The following NBEA variants were observed in gnomAD, a reference collection of about 807,000 sequenced individuals.
NBEA encodes the protein lysosomal-trafficking regulator 2.
In NBEA, 44 loss-of-function variants were observed where a neutral mutation model predicts 343.4. The observed-to-expected ratio is 0.13, with a 90% confidence interval of 0.10 to 0.16. The LOEUF (loss-of-function observed/expected upper bound fraction) is 0.16. Ranked by LOEUF, NBEA falls within the 10% of genes least tolerant of loss-of-function variation. NBEA has a pLI of 1.00. For missense variants in NBEA, 2,555 were observed against 3,631.3 expected (o/e 0.70, Z 7.62); for synonymous variants, 1,175 against 1,238.7 (o/e 0.95, Z 1.08).
chr13:35,010,741 A>AAATATATATATAT (rs1555275017), intron 1 of NBEA, among the ~76,000 whole-genome samples: 2 of 31,956 alleles, frequency 6.3e-5, no homozygotes, highest in African/African-American at 2.0e-4. Context: ...AAAAAAAAAA[A>AAATATATATATAT]ATATATATAT....
chr13:35,445,799 T>TATATAC (rs2045989645), intron 39 of NBEA, among the ~76,000 whole-genome samples: 1 of 84,310 alleles, frequency 1.2e-5, no homozygotes, highest in Non-Finnish European at 2.4e-5. Context: ...TATATATATA[T>TATATAC]ATATATATAT....
intron 5 of NBEA, among the ~76,000 whole-genome samples, chr13:35,049,692 T>C (rs770021227): frequency 6.6e-5 from 10 of 151,806 alleles, no homozygotes; most frequent in Non-Finnish European, 1.5e-4. Flanking sequence ...TGATTAAACA[T>C]TTTTCTACAT....
chr13:35,302,923 G>A (rs1298561005), intron 35 of NBEA, among the ~76,000 whole-genome samples: 1 of 152,060 alleles, frequency 6.6e-6, no homozygotes, highest in Non-Finnish European at 1.5e-5. Flanking sequence ...AACTCATAGA[G>A]TCACATGAAG....
At chr13:35,397,783 A>G (rs1197609874) in intron 38 of NBEA, among the ~76,000 whole-genome samples, 1 of 152,192 alleles carries the variant, frequency 6.6e-6, no homozygotes, top group African/African-American at 2.4e-5. Flanking sequence ...TAATTTAAAA[A>G]TACTTTATTG....
chr13:35,146,257 T>C (rs1027254115), intron 18 of NBEA, among the ~76,000 whole-genome samples: 1 of 152,166 alleles, frequency 6.6e-6, no homozygotes, highest in Non-Finnish European at 1.5e-5. Context: ...TTTTGTAGCC[T>C]GCAGCTCAGG....
At chr13:35,164,282 C>G (rs2069817892) in intron 23 of NBEA, 74 bp from the exon 24 acceptor site, 9 of 1,311,452 alleles carry the variant, frequency 6.9e-6, no homozygotes, top group Non-Finnish European at 8.2e-6. Context: ...TAATTTTTCA[C>G]TTGTTATTCT....
rs145256589 is a variant in NBEA at position 35,557,030 on chromosome 13, AT to A, written c.6922+1936del. Among the ~76,000 whole-genome samples the A allele has an allele frequency of 7.2e-5, 11 of 151,850 alleles. No homozygotes were observed. The East Asian group carries it at 2.1e-3, about 29-fold the overall frequency. On this transcript the variant is annotated intron_variant, in intron 44 of 58. Coordinates refer to ENST00000379939, the MANE Select transcript of NBEA (RefSeq NM_001385012.1). ...CAGTATCATTAGACACCATTAGGTG[AT>A]TTTTTTTCCCTTGGCTGTGCTAGCT...
In NBEA at chr13:35,312,776, A is replaced by T. The variant is rs186773581; in HGVS notation, c.5903+3184A>T. 2.6e-3 allele frequency among the ~76,000 whole-genome samples: 397 copies of T among 152,308 alleles called. 4 individuals are homozygous for T. Among genetic ancestry groups the T allele is most frequent in the Non-Finnish European group, 1.5e-3 (102 of 68,026 alleles). ...GAAGAGGGGAAAGAAGGAATCAAGGATATTTTGATGTCAGCTTTAGTAACT... is the reference window on the plus strand; with the variant it reads ...GAAGAGGGGAAAGAAGGAATCAAGGTTATTTTGATGTCAGCTTTAGTAACT... On this transcript the variant is annotated intron_variant, in intron 36 of 58. Coordinates refer to ENST00000379939, the MANE Select transcript of NBEA (RefSeq NM_001385012.1).
intron 1 of NBEA, among the ~76,000 whole-genome samples, chr13:35,009,748 A>T (rs868639499): frequency 6.6e-6 from 1 of 152,202 alleles, no homozygotes. Flanking sequence ...GTGAGGGTGG[A>T]TGCAGAGACA....
intron 41 of NBEA, among the ~76,000 whole-genome samples, chr13:35,479,663 A>G (rs529105837): frequency 1.3e-5 from 2 of 152,338 alleles, no homozygotes; most frequent in East Asian, 3.9e-4. Flanking sequence ...ATGTCAAATG[A>G]TTATGTAGTA....
chr13:35,661,267 T>G (rs1049276482), intron 55 of NBEA, among the ~76,000 whole-genome samples: 8 of 152,194 alleles, frequency 5.3e-5, no homozygotes, highest in Admixed American at 2.6e-4. Flanking sequence ...ATGATACTAT[T>G]AGTTGTTTTT....
intron 34 of NBEA, among the ~76,000 whole-genome samples, chr13:35,283,749 G>C (rs762464685): frequency 6.6e-6 from 1 of 152,042 alleles, no homozygotes; most frequent in African/African-American, 2.4e-5. Context: ...ATTGTAAATA[G>C]CATCACATTA....
intron 41 of NBEA, among the ~76,000 whole-genome samples, chr13:35,496,854 T>C (rs2076700491): frequency 6.6e-6 from 1 of 151,938 alleles, no homozygotes; most frequent in Non-Finnish European, 1.5e-5. Flanking sequence ...GGACATCTCA[T>C]GTCTTTCTCA....
rs147254781 is a variant in NBEA, at chr13:35,617,403, C to T, written c.7450-10678C>T. Reference sequence around the variant, plus strand: ...AAATGGATCACGTGTAGGAGTGCCTCACTTGAAAAGTGCTTATTGTTTCTG... The same window carrying T: ...AAATGGATCACGTGTAGGAGTGCCTTACTTGAAAAGTGCTTATTGTTTCTG... On this transcript the variant is annotated intron_variant, in intron 48 of 58. Coordinates refer to ENST00000379939, the MANE Select transcript of NBEA (RefSeq NM_001385012.1). 3.0e-3 allele frequency among the ~76,000 whole-genome samples: 454 copies of T among 152,288 alleles called. 1 individual carries two copies. Among genetic ancestry groups the T allele is most frequent in the African/African-American group, 0.011 (437 of 41,560 alleles).
intron 6 of NBEA, 143 bp from the exon 7 acceptor site, chr13:35,055,867 G>A (rs2063237679): frequency 2.0e-6 from 1 of 508,616 alleles, no homozygotes; most frequent in African/African-American, 2.0e-5. Context: ...AGAAATGAGA[G>A]GGGGAACTTG....
chr13:35,513,837 T>A, intron 41 of NBEA, among the ~76,000 whole-genome samples: 1 of 152,182 alleles, frequency 6.6e-6, no homozygotes, highest in South Asian at 2.1e-4. Flanking sequence ...GCTACTTTTT[T>A]AAAAAAACCT....
intron 34 of NBEA, among the ~76,000 whole-genome samples, chr13:35,244,560 T>C (rs2030882047): frequency 6.6e-6 from 1 of 152,118 alleles, no homozygotes; most frequent in African/African-American, 2.4e-5. Flanking sequence ...TGTCTCCAGA[T>C]TGTTCCTTTT....
chr13:35,550,882 A>G (rs1289643259), intron 42 of NBEA, 48 bp from the exon 43 acceptor site: 4 of 1,192,062 alleles, frequency 3.4e-6, no homozygotes, highest in Non-Finnish European at 4.9e-6. Context: ...TTGATGGCTA[A>G]CTTATCCTGC....
At chr13:35,375,140 C>T (rs934150875) in intron 38 of NBEA, among the ~76,000 whole-genome samples, 2 of 152,106 alleles carry the variant, frequency 1.3e-5, no homozygotes, top group Admixed American at 1.3e-4. Flanking sequence ...TAGTCACTTT[C>T]GCACTGCTTT....
Sources: gnomAD v4.1 joint callset for allele counts (sites outside exome capture counted in the v4.1 genomes callset) on GRCh38, gnomAD v4.1.1 for gene constraint, MANE v1.5 for transcripts, NCBI Gene and HGNC (gene_info 2026-07-23, HGNC 2026-07-21) for gene names.